The following GALNTL6 variants were observed in gnomAD, a reference collection of about 807,000 sequenced individuals.
The protein encoded by GALNTL6 is polypeptide N-acetylgalactosaminyltransferase-like 6.
A neutral mutation model predicts 73.7 loss-of-function variants in GALNTL6; 46 were observed. The ratio of observed to expected loss-of-function variants is 0.62; its 90% CI spans 0.49 to 0.80. The LOEUF (loss-of-function observed/expected upper bound fraction) is 0.80, where lower values mean the gene tolerates loss of function less well. Ranked by LOEUF, GALNTL6 falls within the 30% of genes least tolerant of loss-of-function variation. The pLI is 0.00. For synonymous variants in GALNTL6, 259 were observed against 263.7 expected (o/e 0.98, Z 0.17); for missense variants, 604 against 755.0 (o/e 0.80, Z 2.34).
intron 2 of GALNTL6, among the ~76,000 whole-genome samples, chr4:171,925,978 TTA>T (rs767008390): frequency 2.9e-4 from 44 of 149,196 alleles, no homozygotes; most frequent in Non-Finnish European, 5.8e-4. Flanking sequence ...CAAATTTTAA[TTA>T]TGAGGCATCT....
chr4:172,608,074 C>T (rs944980217), intron 5 of GALNTL6, among the ~76,000 whole-genome samples: 7 of 151,860 alleles, frequency 4.6e-5, no homozygotes, highest in Non-Finnish European at 8.8e-5. Flanking sequence ...ATAATTTCTC[C>T]CATTCTGTTC....
At chr4:172,858,895 A>G (rs1295348771) in intron 7 of GALNTL6, among the ~76,000 whole-genome samples, 2 of 152,146 alleles carry the variant, frequency 1.3e-5, no homozygotes, top group Admixed American at 6.6e-5. Context: ...TAGAAAAACT[A>G]TACCCACAAA....
intron 5 of GALNTL6, among the ~76,000 whole-genome samples, chr4:172,569,422 C>A (rs996773148): frequency 1.3e-5 from 2 of 152,140 alleles, no homozygotes; most frequent in African/African-American, 4.8e-5. Context: ...TGGGGGGACA[C>A]AAACATTTGT....
chr4:172,605,556 G>A (rs776505422), intron 5 of GALNTL6, among the ~76,000 whole-genome samples: 1 of 152,112 alleles, frequency 6.6e-6, no homozygotes, highest in Non-Finnish European at 1.5e-5. Flanking sequence ...AACATATTAA[G>A]AACTTCTAGG....
At chr4:172,744,182 G>T (rs1446646088) in intron 5 of GALNTL6, among the ~76,000 whole-genome samples, 1 of 152,002 alleles carries the variant, frequency 6.6e-6, no homozygotes, top group Non-Finnish European at 1.5e-5. Flanking sequence ...GTTAGACAAA[G>T]GTTAACATTC....
At chr4:173,018,263 C>G (rs1252922901) in intron 11 of GALNTL6, among the ~76,000 whole-genome samples, 1 of 152,170 alleles carries the variant, frequency 6.6e-6, no homozygotes, top group African/African-American at 2.4e-5. Context: ...GTAACTGAAT[C>G]CAGAGTCATC....
intron 5 of GALNTL6, among the ~76,000 whole-genome samples, chr4:172,793,082 C>A (rs1208679354): frequency 6.6e-6 from 1 of 152,122 alleles, no homozygotes; most frequent in African/African-American, 2.4e-5. Context: ...GAGGACTGCA[C>A]CCTGTATTTC....
intron 2 of GALNTL6, among the ~76,000 whole-genome samples, chr4:172,135,856 T>G (rs972433972): frequency 2.0e-5 from 3 of 152,200 alleles, no homozygotes; most frequent in Non-Finnish European, 4.4e-5. Flanking sequence ...CCTCTCACAC[T>G]GAGTACATGC....
rs530106109 is a variant in GALNTL6 at position 171,902,196 on chromosome 4, A to G, written c.138+87478A>G. Among the ~76,000 whole-genome samples, 3 of 152,328 alleles carry G rather than the reference A, an allele frequency of 2.0e-5. No individual in the cohort carries two copies. The South Asian group carries it at 6.2e-4, about 32-fold the overall frequency. ...TCTAATTGAAGCCTTAGGAGGGATG[A>G]GTTGTGTGAAGTAAGACAAAGAGAA... On this transcript the variant is annotated intron_variant, in intron 2 of 12. Transcript: ENST00000506823.
At chr4:172,496,577 G>A (rs1300723030) in intron 5 of GALNTL6, among the ~76,000 whole-genome samples, 1 of 152,066 alleles carries the variant, frequency 6.6e-6, no homozygotes, top group Non-Finnish European at 1.5e-5. Flanking sequence ...CAGCTACTCA[G>A]GAAGCTGAGG....
At position 172,531,491 on chromosome 4, in the gene GALNTL6, C is replaced by G. The variant is rs1451902003; in HGVS notation, c.553+182802C>G. On this transcript the variant is annotated intron_variant, in intron 5 of 12. Coordinates refer to ENST00000506823, the MANE Select transcript of GALNTL6 (RefSeq NM_001034845.3). ...CTGACCGCGTTTCCTTCCCAGCTGTCAGCTGCTGGATTGATTCACTGGGAC... is the reference window on the plus strand; with the variant it reads ...CTGACCGCGTTTCCTTCCCAGCTGTGAGCTGCTGGATTGATTCACTGGGAC... Among the ~76,000 whole-genome samples the G allele has an allele frequency of 2.0e-5, 3 of 152,208 alleles. No individual in the cohort carries two copies. In the East Asian group the frequency reaches 5.8e-4, roughly 29 times the overall value.
At chr4:172,240,927 G>A (rs1311476803) in intron 3 of GALNTL6, among the ~76,000 whole-genome samples, 1 of 152,184 alleles carries the variant, frequency 6.6e-6, no homozygotes, top group African/African-American at 2.4e-5. Context: ...GGCTTTTTGA[G>A]TTGCCAGAGT....
chr4:172,997,035 T>A (rs1226618649), intron 10 of GALNTL6, among the ~76,000 whole-genome samples: 1 of 152,170 alleles, frequency 6.6e-6, no homozygotes, highest in Non-Finnish European at 1.5e-5. Context: ...CATGTCTCCA[T>A]CCCTTGGCAG....
chr4:172,720,695 A>T (rs1735417938), intron 5 of GALNTL6, among the ~76,000 whole-genome samples: 1 of 152,250 alleles, frequency 6.6e-6, no homozygotes, highest in Admixed American at 6.5e-5. Flanking sequence ...CTAATTAGGG[A>T]TGTAGACAGC....
At chr4:172,395,030 G>C (rs140129645) in intron 5 of GALNTL6, among the ~76,000 whole-genome samples, 1 of 152,140 alleles carries the variant, frequency 6.6e-6, no homozygotes, top group Non-Finnish European at 1.5e-5. Context: ...TTTTTAGTCT[G>C]TGTTATCAGG....
At chr4:172,688,335 G>A (rs1239980871) in intron 5 of GALNTL6, among the ~76,000 whole-genome samples, 1 of 152,184 alleles carries the variant, frequency 6.6e-6, no homozygotes, top group African/African-American at 2.4e-5. Flanking sequence ...AAAACCTATG[G>A]TAGCAAATTG....
At chr4:172,388,777 G>A (rs757502736) in intron 5 of GALNTL6, among the ~76,000 whole-genome samples, 1 of 151,936 alleles carries the variant, frequency 6.6e-6, no homozygotes, top group African/African-American at 2.4e-5. Context: ...CTCCTATGTA[G>A]GATATCTAAT....
intron 5 of GALNTL6, among the ~76,000 whole-genome samples, chr4:172,721,723 CA>C (rs1387338555): frequency 1.3e-5 from 2 of 152,154 alleles, no homozygotes; most frequent in Admixed American, 1.3e-4. Context: ...AGTAGACAAA[CA>C]CATTAAATGA....
intron 2 of GALNTL6, among the ~76,000 whole-genome samples, chr4:172,012,053 C>T (rs1158573624): frequency 6.6e-6 from 1 of 151,988 alleles, no homozygotes; most frequent in Non-Finnish European, 1.5e-5. Flanking sequence ...TGATGGGTAG[C>T]TATGTTACTT....
Sources: gnomAD v4.1 joint callset for allele counts (sites outside exome capture counted in the v4.1 genomes callset) on GRCh38, gnomAD v4.1.1 for gene constraint, MANE v1.5 for transcripts, NCBI Gene and HGNC (gene_info 2026-07-23, HGNC 2026-07-21) for gene names.